ST6GALNAC3: variants seen among roughly 807,000 people sequenced by gnomAD.
The protein encoded by ST6GALNAC3 is alpha-N-acetylgalactosaminide alpha-2,6-sialyltransferase 3.
In ST6GALNAC3, 25 loss-of-function variants were observed where a neutral mutation model predicts 32.7. The observed-to-expected ratio is 0.76, with a 90% CI of 0.56 to 1.07. The LOEUF (loss-of-function observed/expected upper bound fraction) is 1.07, where lower values mean the gene tolerates loss of function less well. Among genes scored for constraint, ST6GALNAC3 ranks in the 50% least tolerant of loss-of-function variants. The probability of loss-of-function intolerance (pLI) is 0.00; values close to 1 mark genes in which losing one functional copy is unlikely to be tolerated. For missense variants in ST6GALNAC3, 355 were observed against 382.4 expected (o/e 0.93, Z 0.60); for synonymous variants, 129 against 133.1 (o/e 0.97, Z 0.21).
chr1:76,627,588 A>C (rs749645115), intron 4 of ST6GALNAC3, 29 bp downstream of exon 4: 1 of 1,480,400 alleles, frequency 6.8e-7, no homozygotes, highest in African/African-American at 1.4e-5. Context: ...ATTTTTATGC[A>C]GCTCCAATTC....
At chr1:76,203,762 A>G (rs1654668741) in intron 1 of ST6GALNAC3, among the ~76,000 whole-genome samples, 1 of 152,220 alleles carries the variant, frequency 6.6e-6, no homozygotes, top group South Asian at 2.1e-4. Context: ...ATTACCTAAT[A>G]GGTATACATA....
At chr1:76,173,534 C>G (rs1652658144) in intron 1 of ST6GALNAC3, among the ~76,000 whole-genome samples, 1 of 152,168 alleles carries the variant, frequency 6.6e-6, no homozygotes, top group Non-Finnish European at 1.5e-5. Context: ...AAACTATTAT[C>G]AGAGTGAACA....
chr1:76,288,272 G>A (rs1448444573), intron 1 of ST6GALNAC3, among the ~76,000 whole-genome samples: 2 of 152,188 alleles, frequency 1.3e-5, no homozygotes, highest in African/African-American at 2.4e-5. Flanking sequence ...CAGTAACGAT[G>A]TGTTTGTAAG....
intron 1 of ST6GALNAC3, among the ~76,000 whole-genome samples, chr1:76,120,624 A>G (rs1648811115): frequency 6.6e-6 from 1 of 152,158 alleles, no homozygotes; most frequent in Admixed American, 6.5e-5. Context: ...TCTTTCTCTG[A>G]GCTCCAGGGT....
chr1:76,403,812 G>A (rs1653610961), intron 2 of ST6GALNAC3, among the ~76,000 whole-genome samples: 1 of 151,924 alleles, frequency 6.6e-6, no homozygotes, highest in South Asian at 2.1e-4. Context: ...TAATCAAGAG[G>A]TAAGTTGGCC....
intron 1 of ST6GALNAC3, among the ~76,000 whole-genome samples, chr1:76,160,483 G>A (rs1367206335): frequency 6.6e-6 from 1 of 152,136 alleles, no homozygotes; most frequent in East Asian, 1.9e-4. Context: ...GGCTTCTTGT[G>A]GTTTTGGGGG....
intron 1 of ST6GALNAC3, among the ~76,000 whole-genome samples, chr1:76,246,525 T>C (rs888326238): frequency 6.6e-6 from 1 of 152,210 alleles, no homozygotes; most frequent in Non-Finnish European, 1.5e-5. Flanking sequence ...TATATTTTGA[T>C]GTATTTTTGC....
chr1:76,629,409 A>G lies in ST6GALNAC3; in HGVS notation c.*603A>G. Reference sequence around the variant, plus strand: ...CTAATTAACAATGAAGATTTCATGGACATCCTACACTTCAGGATTACTTGA... The same window carrying G: ...CTAATTAACAATGAAGATTTCATGGGCATCCTACACTTCAGGATTACTTGA... On this transcript the variant is annotated 3_prime_UTR_variant, in exon 5 of 5. Coordinates refer to ENST00000328299, the MANE Select transcript of ST6GALNAC3 (RefSeq NM_152996.4). 2 of 985,608 alleles carry G rather than the reference A, an allele frequency of 2.0e-6. No homozygotes were observed. Among genetic ancestry groups the G allele is most frequent in the Non-Finnish European group, 2.4e-6 (2 of 829,822 alleles). 61.1% of individuals were successfully genotyped at this position (985,608 alleles called of 1,614,324 possible).
intron 1 of ST6GALNAC3, among the ~76,000 whole-genome samples, chr1:76,238,998 T>C (rs905423844): frequency 5.4e-5 from 8 of 148,620 alleles, no homozygotes; most frequent in African/African-American, 2.0e-4. Flanking sequence ...CCCAGTAAGA[T>C]AGAAGTGAGC....
intron 3 of ST6GALNAC3, among the ~76,000 whole-genome samples, chr1:76,585,993 C>A (rs548545015): frequency 3.9e-5 from 6 of 152,200 alleles, no homozygotes; most frequent in Non-Finnish European, 7.3e-5. Context: ...AAGGGTTCTA[C>A]AACCAAAAAT....
chr1:76,225,300 T>A (rs892446595), intron 1 of ST6GALNAC3, among the ~76,000 whole-genome samples: 7 of 152,188 alleles, frequency 4.6e-5, no homozygotes, highest in Non-Finnish European at 1.5e-5. Context: ...TATATATAGA[T>A]GCAGAAATTT....
intron 3 of ST6GALNAC3, among the ~76,000 whole-genome samples, chr1:76,478,135 A>G (rs1363817709): frequency 6.6e-6 from 1 of 152,076 alleles, no homozygotes; most frequent in Admixed American, 6.6e-5. Context: ...ATGAACATGC[A>G]CAGTCCTGTG....
intron 3 of ST6GALNAC3, among the ~76,000 whole-genome samples, chr1:76,436,194 A>C (rs923061836): frequency 6.6e-6 from 1 of 152,152 alleles, no homozygotes; most frequent in East Asian, 1.9e-4. Flanking sequence ...TGTGTGTGTC[A>C]GTTTGCAATT....
Position 76,092,824 on chromosome 1 carries a change from AGACTGCCTGGCGTCCAGCGT to A in ST6GALNAC3, c.18+17952_18+17971del, listed in dbSNP as rs1349961628. 9.2e-5 allele frequency among the ~76,000 whole-genome samples: 14 copies of A among 152,292 alleles called. No individual in the cohort carries two copies. In the East Asian group the frequency reaches 2.3e-3, roughly 25 times the overall value. The stretch of plus-strand genomic sequence containing the variant: ...AGCAGCAGAGTTGAGGTTCAAACCC[AGACTGCCTGGCGTCCAGCGT>A]GACTGCCTGGCCTCCAGAGTGATTG... On this transcript the variant is annotated intron_variant, in intron 1 of 4. Coordinates refer to ENST00000328299, the MANE Select transcript of ST6GALNAC3 (RefSeq NM_152996.4).
intron 3 of ST6GALNAC3, among the ~76,000 whole-genome samples, chr1:76,516,660 TC>T (rs1278988574): frequency 3.3e-5 from 5 of 152,232 alleles, no homozygotes; most frequent in Middle Eastern, 3.4e-3. Context: ...TTTCTTATAT[TC>T]TCAATCTAAT....
rs750571267 is a variant in ST6GALNAC3, at chr1:76,307,120, G to T, written c.19-6685G>T. On this transcript the variant is annotated intron_variant, in intron 1 of 4. Coordinates refer to ENST00000328299, the MANE Select transcript of ST6GALNAC3 (RefSeq NM_152996.4). ...CCAGAAAGCAACGTCTCTCAGTGTG[G>T]CTGGACAGATAGACACAAATAAATT... Among the ~76,000 whole-genome samples the T allele has an allele frequency of 2.4e-4, 37 of 152,074 alleles. 1 individual carries two copies. The highest frequency in any genetic ancestry group is 3.5e-4 in the Non-Finnish European group (24 of 67,968).
At chr1:76,480,827 A>T (rs1337201855) in intron 3 of ST6GALNAC3, among the ~76,000 whole-genome samples, 1 of 152,118 alleles carries the variant, frequency 6.6e-6, no homozygotes, top group Non-Finnish European at 1.5e-5. Flanking sequence ...CACAATCAAA[A>T]TGCCATATAT....
intron 3 of ST6GALNAC3, among the ~76,000 whole-genome samples, chr1:76,615,264 C>T (rs1648220860): frequency 6.6e-6 from 1 of 152,036 alleles, no homozygotes; most frequent in South Asian, 2.1e-4. Context: ...AATGCCATGC[C>T]TCATGTTTCT....
At chr1:76,497,993 A>G (rs1660961572) in intron 3 of ST6GALNAC3, among the ~76,000 whole-genome samples, 1 of 152,180 alleles carries the variant, frequency 6.6e-6, no homozygotes, top group East Asian at 1.9e-4. Flanking sequence ...GGACAGGACC[A>G]TGATATTGTT....
Sources: gnomAD v4.1 joint callset for allele counts (sites outside exome capture counted in the v4.1 genomes callset) on GRCh38, gnomAD v4.1.1 for gene constraint, MANE v1.5 for transcripts, NCBI Gene and HGNC (gene_info 2026-07-23, HGNC 2026-07-21) for gene names.